Variants in GAS7 observed in about 807,000 individuals in gnomAD.
GAS7 encodes growth arrest-specific protein 7.
Under a neutral mutation model 71.1 loss-of-function variants are expected in GAS7, and 28 were observed. The observed-to-expected ratio is 0.39, with a 90% CI of 0.29 to 0.54. The LOEUF (loss-of-function observed/expected upper bound fraction) is 0.54. GAS7 is among the 20% of genes least tolerant of loss of function. The pLI, the probability that GAS7 is intolerant of heterozygous loss-of-function variation, is 0.62. For missense variants in GAS7, 436 were observed against 627.8 expected, an observed-to-expected ratio of 0.69 and a Z score of 3.27; for synonymous variants, 258 against 245.8, an observed-to-expected ratio of 1.05 and a Z score of -0.46.
intron 1 of GAS7, among the ~76,000 whole-genome samples, chr17:10,167,292 G>A (rs1163289343): frequency 1.3e-5 from 2 of 151,812 alleles, no homozygotes; most frequent in East Asian, 3.9e-4. Context: ...CCTGACCTCA[G>A]GTGATCCATC....
In GAS7 at chr17:9,959,164, G is replaced by C. The variant is rs763275270; in HGVS notation, c.525+38C>G. The C allele has an allele frequency of 1.2e-6, 2 of 1,605,578 alleles. No individual in the cohort carries two copies. The highest frequency in any genetic ancestry group is 2.2e-5 in the East Asian group (1 of 44,684). ...ACAGCCCAGCCAAATGCCCCAGCTC[G>C]CAGCCCACCCTGAGGGCGCCCCTCG... is the stretch of plus-strand genomic sequence containing the variant. On this transcript the variant is annotated intron_variant, in intron 5 of 13. Coordinates refer to ENST00000432992, the MANE Select transcript of GAS7 (RefSeq NM_201433.2). The surrounding 1 kb of genome is among the most constrained non-coding windows in gnomAD (Gnocchi z 5.0).
At chr17:10,031,426 G>A (rs536797497) in intron 1 of GAS7, among the ~76,000 whole-genome samples, 32 of 152,296 alleles carry the variant, frequency 2.1e-4, no homozygotes, top group African/African-American at 7.0e-4. Flanking sequence ...TGGAGTCTCC[G>A]GGGGGACAAG....
At chr17:10,115,297 GC>G (rs759540073) in intron 1 of GAS7, among the ~76,000 whole-genome samples, 2 of 152,332 alleles carry the variant, frequency 1.3e-5, no homozygotes, top group East Asian at 3.9e-4. Context: ...AGGGAGGGGA[GC>G]CCCCCGTGGG....
At chr17:9,922,409 T>A (rs78544488) in intron 11 of GAS7, among the ~76,000 whole-genome samples, 12,959 of 152,292 alleles carry the variant, frequency 0.085, 743 homozygotes, top group South Asian at 0.15. Context: ...GCTCCACCAC[T>A]GTGGACCTCA....
At chr17:10,127,145 C>T (rs2073957638) in intron 1 of GAS7, among the ~76,000 whole-genome samples, 1 of 152,212 alleles carries the variant, frequency 6.6e-6, no homozygotes. Flanking sequence ...CAATGACTGG[C>T]TGATGCTCCC....
At position 10,071,138 on chromosome 17, in the gene GAS7, C is replaced by A. The variant is rs558822954; in HGVS notation, c.184-51241G>T. On this transcript the variant is annotated intron_variant, in intron 1 of 13. Transcript: ENST00000432992. ...CAGAAGCCAGTTGGTGGGGTGTTCCCAGCCAGCAGGACCCCAAAAAACTCC... is the reference window on the plus strand; with the variant it reads ...CAGAAGCCAGTTGGTGGGGTGTTCCAAGCCAGCAGGACCCCAAAAAACTCC... Among the ~76,000 whole-genome samples the A allele has an allele frequency of 5.1e-3, 779 of 151,650 alleles. 5 individuals are homozygous for A. The highest frequency in any genetic ancestry group is 0.018 in the South Asian group (84 of 4,778).
Position 10,169,466 on chromosome 17 carries a change from G to A in GAS7, c.183+28742C>T, listed in dbSNP as rs111342972. Among the ~76,000 whole-genome samples, 624 of 152,222 alleles carry A rather than the reference G, an allele frequency of 4.1e-3. 7 individuals are homozygous for A. The highest frequency in any genetic ancestry group is 2.8e-3 in the Non-Finnish European group (189 of 68,014). ...AATGAAACAGATGCTAACAACACCAGGAAGGGTGCGTCATCCCTGAGGCTT... is the reference window on the plus strand; with the variant it reads ...AATGAAACAGATGCTAACAACACCAAGAAGGGTGCGTCATCCCTGAGGCTT... On this transcript the variant is annotated intron_variant, in intron 1 of 13. Coordinates refer to ENST00000432992, the MANE Select transcript of GAS7 (RefSeq NM_201433.2).
At chr17:10,165,271 G>A (rs1335635512) in intron 1 of GAS7, among the ~76,000 whole-genome samples, 3 of 129,842 alleles carry the variant, frequency 2.3e-5, no homozygotes, top group East Asian at 2.4e-4. Context: ...CAGCCTGTGC[G>A]ACAGAGCGAG....
intron 1 of GAS7, among the ~76,000 whole-genome samples, chr17:10,065,302 T>A (rs1034212433): frequency 1.2e-4 from 19 of 152,234 alleles, no homozygotes; most frequent in African/African-American, 4.6e-4. Context: ...TCTAAAAACC[T>A]TCCTTTGGCC....
At chr17:9,939,614 C>CTTT (rs548573216) in intron 8 of GAS7, among the ~76,000 whole-genome samples, 1 of 144,336 alleles carries the variant, frequency 6.9e-6, no homozygotes, top group African/African-American at 2.5e-5. Context: ...GTGGAAGTGC[C>CTTT]TTTTTTTTTT....
At chr17:10,153,579 G>A (rs1468931830) in intron 1 of GAS7, among the ~76,000 whole-genome samples, 1 of 151,472 alleles carries the variant, frequency 6.6e-6, no homozygotes, top group East Asian at 1.9e-4. Context: ...TGGAACAGAA[G>A]GAATCCGTAA....
At chr17:9,975,550 C>T (rs946375234) in intron 3 of GAS7, among the ~76,000 whole-genome samples, 3 of 149,346 alleles carry the variant, frequency 2.0e-5, no homozygotes, top group African/African-American at 7.5e-5. Flanking sequence ...TTTTTCCTTC[C>T]TTCCACCCGT....
intron 1 of GAS7, among the ~76,000 whole-genome samples, chr17:10,047,893 A>T (rs2073002389): frequency 6.6e-6 from 1 of 152,274 alleles, no homozygotes; most frequent in African/African-American, 2.4e-5. Flanking sequence ...TGTAACATAT[A>T]TGTTTAAAAA....
At chr17:10,126,763 C>T (rs1030774627) in intron 1 of GAS7, among the ~76,000 whole-genome samples, 2 of 152,172 alleles carry the variant, frequency 1.3e-5, no homozygotes, top group Non-Finnish European at 2.9e-5. Flanking sequence ...GCGTGGGGCA[C>T]GGGGAAGAGA....
At chr17:9,968,008 T>C (rs2069792652) in intron 4 of GAS7, among the ~76,000 whole-genome samples, 1 of 152,200 alleles carries the variant, frequency 6.6e-6, no homozygotes, top group African/African-American at 2.4e-5. Context: ...GAAGAAAGAA[T>C]GATTTTGAGG....
intron 1 of GAS7, among the ~76,000 whole-genome samples, chr17:10,160,555 T>C (rs1273977378): frequency 6.6e-6 from 1 of 152,188 alleles, no homozygotes; most frequent in Non-Finnish European, 1.5e-5. Context: ...CCCAGCTCCC[T>C]GTCTAGTGGT....
chr17:9,985,479 C>G (rs1448367621), intron 2 of GAS7, among the ~76,000 whole-genome samples: 1 of 152,218 alleles, frequency 6.6e-6, no homozygotes, highest in Non-Finnish European at 1.5e-5. Context: ...GCTCCCCCAT[C>G]CCTGGATATC....
chr17:9,958,611 A>G (rs1189900189), intron 5 of GAS7, among the ~76,000 whole-genome samples: 2 of 116,758 alleles, frequency 1.7e-5, no homozygotes, highest in African/African-American at 6.6e-5. Context: ...AGGGCTGAGG[A>G]GCAGAGGTGG....
intron 1 of GAS7, among the ~76,000 whole-genome samples, chr17:10,067,508 G>A (rs1412734498): frequency 3.9e-5 from 6 of 152,082 alleles, no homozygotes; most frequent in Non-Finnish European, 8.8e-5. Context: ...CCAAAGTGCT[G>A]GGATTACAAG....
Sources: allele counts gnomAD v4.1 joint callset (sites outside exome capture counted in the v4.1 genomes callset), GRCh38; gene constraint gnomAD v4.1.1; non-coding constraint Gnocchi (gnomAD v3.1); transcripts MANE v1.5; gene names NCBI Gene and HGNC (gene_info 2026-07-23, HGNC 2026-07-21).